The following SENP6 variants were observed in gnomAD, a reference collection of about 807,000 sequenced individuals.
The protein encoded by SENP6 is SUMO specific peptidase 6.
Under a neutral mutation model 134.5 loss-of-function variants are expected in SENP6, and 41 were observed. That is an observed-to-expected ratio of 0.30 (90% confidence interval 0.24 to 0.40). SENP6 has a LOEUF of 0.40. Among genes scored for constraint, SENP6 ranks in the 10% least tolerant of loss-of-function variants. SENP6 has a pLI of 1.00. For missense variants in SENP6, 1,248 were observed against 1,312.5 expected, an observed-to-expected ratio of 0.95 and a Z score of 0.76; for synonymous variants, 395 against 429.8, an observed-to-expected ratio of 0.92 and a Z score of 1.00.
rs1437609486 is a variant in SENP6, at chr6:75,702,691, C to T, written c.2335C>T (p.Pro779Ser). Residue 779 changes from proline (P) to serine (S), a missense_variant, in exon 19 of 24, where the codon CCA becomes TCA. This residue lies in a region of SENP6 where 386 missense variants were observed against 395.0 expected (regional missense o/e 0.98). Coordinates refer to ENST00000447266, the MANE Select transcript of SENP6 (RefSeq NM_015571.4). ...TGTTTGTTTCCCCGGTTTGGAAAAA[C>T]CAAAGTATGAACCTAATCCTCATTA... ...AVVCFPGLEK[P>S]KYEPNPHYHE... is the part of the protein sequence containing the mutation. 3.1e-6 allele frequency: 5 copies of T among 1,602,788 alleles called. No homozygotes were observed. The East Asian group carries it at 1.1e-4, about 36-fold the overall frequency.
intron 3 of SENP6, among the ~76,000 whole-genome samples, chr6:75,630,215 A>C (rs1279028131): frequency 6.6e-6 from 1 of 152,002 alleles, no homozygotes; most frequent in African/African-American, 2.4e-5. Context: ...GATTACAGGC[A>C]TGCATCACCA....
chr6:75,643,319 A>T (rs777881195), intron 6 of SENP6, among the ~76,000 whole-genome samples: 1 of 152,220 alleles, frequency 6.6e-6, no homozygotes, highest in Non-Finnish European at 1.5e-5. Context: ...GTTTACAAGC[A>T]TCATACTAAA....
chr6:75,630,357 G>C (rs1478209389), intron 3 of SENP6, among the ~76,000 whole-genome samples: 1 of 152,078 alleles, frequency 6.6e-6, no homozygotes, highest in Non-Finnish European at 1.5e-5. Context: ...GGTTTGAGCT[G>C]CTCGGCCAAC....
intron 6 of SENP6, among the ~76,000 whole-genome samples, chr6:75,645,310 A>C (rs1205010343): frequency 1.1e-4 from 17 of 152,156 alleles, no homozygotes; most frequent in Admixed American, 1.0e-3. Flanking sequence ...GGAATCCTCA[A>C]ATTAAGAAAT....
chr6:75,653,298 C>T (rs1165616852), intron 7 of SENP6, among the ~76,000 whole-genome samples: 10 of 152,046 alleles, frequency 6.6e-5, no homozygotes, highest in South Asian at 2.1e-4. Context: ...CCCAAAGTGG[C>T]GGGATTACAG....
At chr6:75,675,631 A>T in intron 12 of SENP6, 163 bp downstream of exon 12, 1 of 693,118 alleles carries the variant, frequency 1.4e-6, no homozygotes, top group Non-Finnish European at 2.4e-6. Context: ...TTCATTCAGA[A>T]ATATCACAGA....
chr6:75,659,194 AT>A, intron 7 of SENP6, 67 bp from the exon 8 acceptor site: 4 of 1,180,672 alleles, frequency 3.4e-6, no homozygotes, highest in South Asian at 1.5e-5. Flanking sequence ...TGTTCTGATT[AT>A]TTTTTTGCTG....
chr6:75,641,034 A>G (rs1031447957), intron 6 of SENP6, among the ~76,000 whole-genome samples: 1 of 152,084 alleles, frequency 6.6e-6, no homozygotes, highest in African/African-American at 2.4e-5. Context: ...TATTCACCCT[A>G]TAGTGCCACA....
At position 75,607,758 on chromosome 6, in the gene SENP6, C is replaced by G. The variant is rs376490134; in HGVS notation, c.52+5182C>G. On this transcript the variant is annotated intron_variant, in intron 1 of 23. Coordinates refer to ENST00000447266, the MANE Select transcript of SENP6 (RefSeq NM_015571.4). The stretch of plus-strand genomic sequence containing the variant: ...CATGCAATGTTGTTCTCTACAGATA[C>G]CAGCAAAAATGCTTCTGTCTCCAAA... Among the ~76,000 whole-genome samples, 28 of 152,276 alleles carry G rather than the reference C, an allele frequency of 1.8e-4. No individual in the cohort carries two copies. In the East Asian group the frequency reaches 5.0e-3, roughly 27 times the overall value.
intron 3 of SENP6, among the ~76,000 whole-genome samples, chr6:75,627,579 C>T (rs1037098176): frequency 6.6e-6 from 1 of 152,030 alleles, no homozygotes. Flanking sequence ...GCCTGGGCAA[C>T]AAAATGAGAC....
intron 3 of SENP6, among the ~76,000 whole-genome samples, chr6:75,627,128 A>G (rs1768758065): frequency 6.6e-6 from 1 of 151,974 alleles, no homozygotes; most frequent in South Asian, 2.1e-4. Flanking sequence ...CAAACCAGCT[A>G]ACTTTTGTAT....
chr6:75,667,848 T>C (rs573416111), intron 10 of SENP6, among the ~76,000 whole-genome samples: 1 of 152,282 alleles, frequency 6.6e-6, no homozygotes, highest in Admixed American at 6.5e-5. Flanking sequence ...GATGCAGCCA[T>C]TGAAAATAAA....
chr6:75,685,981 T>C (rs1773813916), intron 16 of SENP6, among the ~76,000 whole-genome samples: 1 of 152,182 alleles, frequency 6.6e-6, no homozygotes. Context: ...ATCTGTCTAA[T>C]GTTGACAGTG....
intron 1 of SENP6, among the ~76,000 whole-genome samples, chr6:75,617,058 T>A (rs538659293): frequency 1.3e-5 from 2 of 151,862 alleles, no homozygotes; most frequent in Middle Eastern, 3.4e-3. Flanking sequence ...TTGTATTTTT[T>A]TGTAGAGACA....
At chr6:75,632,156 C>T (rs1025771781) in intron 3 of SENP6, among the ~76,000 whole-genome samples, 44 of 152,182 alleles carry the variant, frequency 2.9e-4, no homozygotes, top group African/African-American at 1.0e-3. Context: ...ATGTACTTCC[C>T]TTGCCTGAGC....
At chr6:75,647,670 C>G (rs1334097609) in intron 6 of SENP6, 61 bp from the exon 7 acceptor site, 1 of 1,209,038 alleles carries the variant, frequency 8.3e-7, no homozygotes, top group Non-Finnish European at 1.2e-6. Flanking sequence ...ATGCCATTAA[C>G]TTTTTCATTT....
chr6:75,614,860 C>A (rs1352586095), intron 1 of SENP6, among the ~76,000 whole-genome samples: 1 of 151,922 alleles, frequency 6.6e-6, no homozygotes, highest in African/African-American at 2.4e-5. Flanking sequence ...AAGGGAGTGC[C>A]TTTCTATTCC....
Position 75,621,032 on chromosome 6 carries a change from T to C in SENP6, c.53-500T>C, listed in dbSNP as rs142927810. On this transcript the variant is annotated intron_variant, in intron 1 of 23. Transcript: ENST00000447266. ...TAAAATTCATAATGAGCACATTTAGTGTTCTGATCTAGAGTTTTTCAGGTT... is the reference window on the plus strand; with the variant it reads ...TAAAATTCATAATGAGCACATTTAGCGTTCTGATCTAGAGTTTTTCAGGTT... Among the ~76,000 whole-genome samples, 873 of 152,306 alleles carry C rather than the reference T, an allele frequency of 5.7e-3. 8 individuals are homozygous for C. The highest frequency in any genetic ancestry group is 0.055 in the South Asian group (267 of 4,826).
At chr6:75,665,169 C>A (rs1772103002) in intron 9 of SENP6, among the ~76,000 whole-genome samples, 3 of 152,038 alleles carry the variant, frequency 2.0e-5, no homozygotes, top group Admixed American at 2.0e-4. Context: ...GCCTGTAGTC[C>A]CAGCTACTCG....
Sources: allele counts gnomAD v4.1 joint callset (sites outside exome capture counted in the v4.1 genomes callset), GRCh38; gene constraint gnomAD v4.1.1; regional missense constraint gnomAD v4.1.1; transcripts MANE v1.5; gene names NCBI Gene and HGNC (gene_info 2026-07-23, HGNC 2026-07-21).